Variants in SNU13 observed in about 807,000 individuals in gnomAD.
The protein encoded by SNU13 is NHP2-like protein 1.
In SNU13, 2 loss-of-function variants were observed where a neutral mutation model predicts 12.4. The ratio of observed to expected loss-of-function variants is 0.16; its 90% confidence interval spans 0.07 to 0.51. The LOEUF is 0.51. Ranked by LOEUF, SNU13 falls within the 20% of genes least tolerant of loss-of-function variation. The pLI is 0.96. For synonymous variants in SNU13, 68 were observed against 66.5 expected, an observed-to-expected ratio of 1.02 and a Z score of -0.11; for missense variants, 66 against 157.8, an observed-to-expected ratio of 0.42 and a Z score of 3.12.
chr22:41,677,946 C>CAAG (rs749489799), intron 2 of SNU13, among the ~76,000 whole-genome samples: 21 of 152,158 alleles, frequency 1.4e-4, no homozygotes, highest in East Asian at 9.7e-4. Flanking sequence ...CATTCCTATC[C>CAAG]CCCTTCTCTA....
At chr22:41,679,015 T>C (rs1231741765) in intron 2 of SNU13, among the ~76,000 whole-genome samples, 1 of 152,194 alleles carries the variant, frequency 6.6e-6, no homozygotes, top group Admixed American at 6.5e-5. Context: ...CCTAACACTT[T>C]GGGAGGCCAA....
chr22:41,686,468 C>A, intron 1 of SNU13, among the ~76,000 whole-genome samples: 1 of 151,748 alleles, frequency 6.6e-6, no homozygotes, highest in East Asian at 1.9e-4. Context: ...CCACGCCCAG[C>A]TAATTTTTGT....
chr22:41,687,438 T>G (rs2068320333), intron 1 of SNU13, among the ~76,000 whole-genome samples: 2 of 152,206 alleles, frequency 1.3e-5, no homozygotes, highest in Admixed American at 1.3e-4. Context: ...GAGGAAGACT[T>G]CAGGAATCTG....
intron 1 of SNU13, among the ~76,000 whole-genome samples, chr22:41,684,984 C>T (rs895605562): frequency 3.9e-5 from 6 of 152,022 alleles, no homozygotes; most frequent in Non-Finnish European, 5.9e-5. Context: ...GTGAAACCCC[C>T]GTCTCTACTA....
Position 41,675,206 on chromosome 22 carries a change from A to G in SNU13, c.125-11T>C. 1 of 1,610,950 alleles carries G rather than the reference A, an allele frequency of 6.2e-7. No homozygotes were observed. The highest frequency in any genetic ancestry group is 1.1e-5 in the South Asian group (1 of 91,036). On this transcript the variant is annotated splice_polypyrimidine_tract_variant and intron_variant, in intron 2 of 2. Coordinates refer to ENST00000401959, the MANE Select transcript of SNU13 (RefSeq NM_001003796.2). ...TGAGGGTTTTGGTGGCTGCGGAGAG[A>G]AGGACGTGAAGCTAATAGGTGATGT...
intron 2 of SNU13, among the ~76,000 whole-genome samples, chr22:41,677,790 C>T (rs931622813): frequency 7.2e-5 from 11 of 152,134 alleles, no homozygotes; most frequent in Admixed American, 2.0e-4. Context: ...TCCAGCCACA[C>T]ACCAGCCTCC....
intron 2 of SNU13, among the ~76,000 whole-genome samples, chr22:41,676,531 C>CTTT (rs35474083): frequency 6.7e-6 from 1 of 148,354 alleles, no homozygotes; most frequent in African/African-American, 2.5e-5. Context: ...TAACCTAATT[C>CTTT]TTTTTTTTTT....
chr22:41,684,357 T>G (rs2068292648), intron 1 of SNU13, among the ~76,000 whole-genome samples: 1 of 152,216 alleles, frequency 6.6e-6, no homozygotes, highest in African/African-American at 2.4e-5. Flanking sequence ...CTACTTTCTT[T>G]GGGGTTATTT....
At chr22:41,689,198 C>G (rs1325627735), upstream of SNU13, 17 of 656,242 alleles carry the variant, frequency 2.6e-5, no homozygotes, top group Non-Finnish European at 2.5e-5. Context: ...CTCGTCCCTA[C>G]TAAAAAATAC....
At chr22:41,679,160 G>C (rs1298254764) in intron 2 of SNU13, among the ~76,000 whole-genome samples, 1 of 152,054 alleles carries the variant, frequency 6.6e-6, no homozygotes, top group East Asian at 1.9e-4. Context: ...TGTAATCCCA[G>C]AATTTTGGGA....
In SNU13 at chr22:41,674,837, A is replaced by G. The variant is rs1221671714; in HGVS notation, c.*96T>C. On this transcript the variant is annotated 3_prime_UTR_variant, in exon 3 of 3. Transcript: ENST00000401959. ...ATTTAGTACTACATTTTATAACAATAGAGAGTAGCTGAAAATACTACATGC... is the reference window on the plus strand; with the variant it reads ...ATTTAGTACTACATTTTATAACAATGGAGAGTAGCTGAAAATACTACATGC... 6.8e-7 allele frequency: 1 copy of G among 1,473,428 alleles called. No homozygotes were observed. The highest frequency in any genetic ancestry group is 1.4e-5 in the African/African-American group (1 of 71,162). 91.3% of individuals were successfully genotyped at this position (1,473,428 alleles called of 1,614,324 possible).
chr22:41,680,231 G>A lies in SNU13; in HGVS notation c.124+13C>T. ...CTTTAACATTCCCCCAGAGCATCCTGTGGCTGCCTTACCCTCATTGGCTCC... is the reference window on the plus strand; with the variant it reads ...CTTTAACATTCCCCCAGAGCATCCTATGGCTGCCTTACCCTCATTGGCTCC... On this transcript the variant is annotated intron_variant, in intron 2 of 2. Coordinates refer to ENST00000401959, the MANE Select transcript of SNU13 (RefSeq NM_001003796.2). The A allele has an allele frequency of 6.2e-7, 1 of 1,608,378 alleles. No homozygotes were observed. The highest frequency in any genetic ancestry group is 8.5e-7 in the Non-Finnish European group (1 of 1,176,156).
intron 1 of SNU13, 132 bp downstream of exon 1, chr22:41,688,661 AG>A (rs1293589376): frequency 2.3e-6 from 3 of 1,290,740 alleles, no homozygotes. Context: ...GTTCTAACTA[AG>A]GGCCCGGCGG....
chr22:41,676,221 A>G (rs977187671), intron 2 of SNU13, among the ~76,000 whole-genome samples: 2 of 152,118 alleles, frequency 1.3e-5, no homozygotes, highest in African/African-American at 4.8e-5. Flanking sequence ...ATACTTCTAG[A>G]AAGCTGATCC....
At position 41,688,866 on chromosome 22, in the gene SNU13, C is replaced by G. The variant is rs1377331549; in HGVS notation, c.-70G>C. ...ACGTTTCAGAAGCACTCGCGTGCAC[C>G]GGAAAAACTCACAGAAGCAGCAGCG... is the stretch of plus-strand genomic sequence containing the variant. On this transcript the variant is annotated 5_prime_UTR_variant, in exon 1 of 3. Transcript: ENST00000401959. The G allele has an allele frequency of 1.3e-6, 2 of 1,523,470 alleles. No homozygotes were observed. The highest frequency in any genetic ancestry group is 1.4e-5 in the African/African-American group (1 of 72,712). 94.4% of individuals were successfully genotyped at this position (1,523,470 alleles called of 1,614,324 possible).
At chr22:41,688,732 A>G (rs1266106172) in intron 1 of SNU13, 62 bp downstream of exon 1, 25 of 1,589,618 alleles carry the variant, frequency 1.6e-5, no homozygotes, top group Non-Finnish European at 2.2e-5. Flanking sequence ...CTAACAGGCT[A>G]GGGAGTGAAC....
At chr22:41,690,300 A>G, upstream of SNU13, 1 of 650,742 alleles carries the variant, frequency 1.5e-6, no homozygotes, top group Non-Finnish European at 2.8e-6. Flanking sequence ...GAAGAAAGAA[A>G]TCAAGCAGAC....
At chr22:41,679,487 C>T (rs927763248) in intron 2 of SNU13, among the ~76,000 whole-genome samples, 1 of 151,836 alleles carries the variant, frequency 6.6e-6, no homozygotes, top group Non-Finnish European at 1.5e-5. Flanking sequence ...ACCCGGGAAG[C>T]GGAGGTTGCA....
intron 2 of SNU13, among the ~76,000 whole-genome samples, chr22:41,677,476 G>A (rs894561786): frequency 6.6e-6 from 1 of 152,120 alleles, no homozygotes; most frequent in Non-Finnish European, 1.5e-5. Flanking sequence ...AGTGAGCCAT[G>A]ATCAATGCCA....
Sources: allele counts gnomAD v4.1 joint callset (sites outside exome capture counted in the v4.1 genomes callset), GRCh38; gene constraint gnomAD v4.1.1; transcripts MANE v1.5; gene names NCBI Gene and HGNC (gene_info 2026-07-23, HGNC 2026-07-21).